KIAA1217: variants seen among roughly 807,000 people sequenced by gnomAD.
KIAA1217 encodes the protein KIAA1217, also known as sickle tail protein homolog.
A neutral mutation model predicts 163.9 loss-of-function variants in KIAA1217; 88 were observed. That is an observed-to-expected ratio of 0.54 (90% CI 0.45 to 0.64). KIAA1217 has a LOEUF of 0.64. KIAA1217 is among the 30% of genes least tolerant of loss of function. KIAA1217 has a pLI of 0.00. For missense variants in KIAA1217, 2,372 were observed against 2,475.0 expected (o/e 0.96, Z 0.88); for synonymous variants, 903 against 923.1 (o/e 0.98, Z 0.39).
At chr10:23,834,186 C>G (rs1838341942) in intron 1 of KIAA1217, among the ~76,000 whole-genome samples, 1 of 152,094 alleles carries the variant, frequency 6.6e-6, no homozygotes, top group Non-Finnish European at 1.5e-5. Context: ...TCTTTTCTAT[C>G]TGCTCACCCC....
intron 20 of KIAA1217, 36 bp from the exon 21 acceptor site, chr10:24,545,791 T>G (rs372280679): frequency 3.0e-4 from 465 of 1,550,210 alleles, no homozygotes; most frequent in Non-Finnish European, 3.7e-4. Flanking sequence ...GTGACCGCCT[T>G]TCTGACAAAA....
chr10:24,267,418 G>A (rs1394634609), intron 2 of KIAA1217, among the ~76,000 whole-genome samples: 2 of 152,222 alleles, frequency 1.3e-5, no homozygotes, highest in African/African-American at 4.8e-5. Context: ...CCTAGAAAAA[G>A]TTACAAAACG....
chr10:24,422,745 C>T (rs1476933298), intron 3 of KIAA1217, among the ~76,000 whole-genome samples: 1 of 151,774 alleles, frequency 6.6e-6, no homozygotes, highest in Non-Finnish European at 1.5e-5. Context: ...CCCAATTGCA[C>T]CAATTTGTCT....
chr10:23,736,386 C>T (rs1015376321), intron 1 of KIAA1217, among the ~76,000 whole-genome samples: 2 of 152,180 alleles, frequency 1.3e-5, no homozygotes, highest in Non-Finnish European at 1.5e-5. Flanking sequence ...TTCATGTGAT[C>T]TCCAGTGCCG....
At chr10:24,143,071 G>C (rs1589657354) in intron 2 of KIAA1217, among the ~76,000 whole-genome samples, 1 of 152,216 alleles carries the variant, frequency 6.6e-6, no homozygotes, top group Admixed American at 6.5e-5. Context: ...GTTACAAGGA[G>C]CAGAGAGATG....
At chr10:24,470,373 C>T (rs1287563035) in intron 5 of KIAA1217, among the ~76,000 whole-genome samples, 1 of 152,208 alleles carries the variant, frequency 6.6e-6, no homozygotes, top group African/African-American at 2.4e-5. Flanking sequence ...GTCTAAAGCA[C>T]TGAGCACCTG....
In KIAA1217 at chr10:24,436,627, G is replaced by A. The variant is rs150459948; in HGVS notation, c.753-1759G>A. The stretch of plus-strand genomic sequence containing the variant: ...CAAAAAATTAGCCGGGCGTGGTGGC[G>A]GGCACCTGTAGTCCCAGCTGCTGGG... On this transcript the variant is annotated intron_variant, in intron 4 of 20. Transcript: ENST00000376454. Among the ~76,000 whole-genome samples the A allele has an allele frequency of 7.0e-3, 1,058 of 151,776 alleles. 7 individuals carry two copies. The highest frequency in any genetic ancestry group is 0.014 in the Middle Eastern group (4 of 290).
rs1369736725 is a variant in KIAA1217 at position 24,486,329 on chromosome 10, G to T, written c.1680-8171G>T. On this transcript the variant is annotated intron_variant, in intron 6 of 20. Coordinates refer to ENST00000376454, the MANE Select transcript of KIAA1217 (RefSeq NM_019590.5). Reference sequence around the variant, plus strand: ...TGAGAGTCCCTAAGATGACACACAAGTAGGGAGAATGCCCTTCTCGGCTGG... The same window carrying T: ...TGAGAGTCCCTAAGATGACACACAATTAGGGAGAATGCCCTTCTCGGCTGG... Among the ~76,000 whole-genome samples the T allele has an allele frequency of 2.0e-5, 3 of 152,340 alleles. No individual in the cohort carries two copies. In the East Asian group the frequency reaches 5.8e-4, roughly 29 times the overall value.
rs192019945 is a variant in KIAA1217 at position 23,816,123 on chromosome 10, G to A, written c.-321+120889G>A. 1.8e-3 allele frequency among the ~76,000 whole-genome samples: 271 copies of A among 152,280 alleles called. 2 individuals are homozygous for A. The highest frequency in any genetic ancestry group is 6.1e-3 in the African/African-American group (252 of 41,560). On this transcript the variant is annotated intron_variant, in intron 1 of 18. Coordinates refer to the KIAA1217 transcript ENST00000376462. ...CAAGAATGTTATTTCCTGGTAACCA[G>A]CATTTGCGTTACCTTGAGCTGTAAA...
At chr10:24,176,346 C>A (rs1316960889) in intron 2 of KIAA1217, among the ~76,000 whole-genome samples, 1 of 151,936 alleles carries the variant, frequency 6.6e-6, no homozygotes, top group Non-Finnish European at 1.5e-5. Context: ...CACAAAAGTT[C>A]TCCAAGTCCC....
At chr10:24,458,717 G>C (rs2062051050) in intron 5 of KIAA1217, among the ~76,000 whole-genome samples, 1 of 152,062 alleles carries the variant, frequency 6.6e-6, no homozygotes, top group African/African-American at 2.4e-5. Flanking sequence ...AGGTAATTTT[G>C]GAAAGCATTG....
At chr10:23,738,023 G>A (rs1020170834) in intron 1 of KIAA1217, among the ~76,000 whole-genome samples, 47 of 151,286 alleles carry the variant, frequency 3.1e-4, no homozygotes, top group African/African-American at 5.6e-4. Flanking sequence ...TAAATAGCAC[G>A]TAGATATATA....
intron 5 of KIAA1217, among the ~76,000 whole-genome samples, chr10:24,456,828 G>C (rs2061841327): frequency 6.6e-6 from 1 of 150,964 alleles, no homozygotes; most frequent in Non-Finnish European, 1.5e-5. Context: ...TCAGCCTCCC[G>C]AGTAGCTGGG....
At chr10:24,405,439 A>C (rs1361461138) in intron 3 of KIAA1217, among the ~76,000 whole-genome samples, 1 of 152,222 alleles carries the variant, frequency 6.6e-6, no homozygotes, top group Non-Finnish European at 1.5e-5. Context: ...AATCCTAATA[A>C]ATCATGTAAG....
At chr10:24,062,231 G>A (rs2060751953) in intron 2 of KIAA1217, among the ~76,000 whole-genome samples, 1 of 150,568 alleles carries the variant, frequency 6.6e-6, no homozygotes, top group African/African-American at 2.4e-5. Context: ...TTGGTGTGCT[G>A]CACCCATTAA....
chr10:23,777,799 A>C lies in KIAA1217; in HGVS notation c.-321+82565A>C, dbSNP rs114709100. On this transcript the variant is annotated intron_variant, in intron 1 of 18. Coordinates refer to the KIAA1217 transcript ENST00000376462. ...ACTCACATATTCACTATAAGGAAAGAATAAAGCCAAGAAAGAAAAAGAAAA... is the reference window on the plus strand; with the variant it reads ...ACTCACATATTCACTATAAGGAAAGCATAAAGCCAAGAAAGAAAAAGAAAA... Among the ~76,000 whole-genome samples, 1,050 of 152,262 alleles carry C rather than the reference A, an allele frequency of 6.9e-3. 7 individuals are homozygous for C. Among genetic ancestry groups the C allele is most frequent in the African/African-American group, 0.023 (971 of 41,552 alleles).
intron 2 of KIAA1217, among the ~76,000 whole-genome samples, chr10:24,363,578 T>G (rs1281664878): frequency 6.6e-6 from 1 of 151,338 alleles, no homozygotes; most frequent in African/African-American, 2.4e-5. Flanking sequence ...TTTTTTTTTT[T>G]TTTTGAAACA....
chr10:23,716,498 A>G (rs1837578560), intron 1 of KIAA1217, among the ~76,000 whole-genome samples: 1 of 152,182 alleles, frequency 6.6e-6, no homozygotes, highest in Non-Finnish European at 1.5e-5. Flanking sequence ...AGTCATACCT[A>G]CCTGCATTTA....
intron 5 of KIAA1217, among the ~76,000 whole-genome samples, chr10:24,461,652 G>A (rs570979799): frequency 1.4e-4 from 22 of 152,162 alleles, no homozygotes; most frequent in Admixed American, 5.2e-4. Flanking sequence ...TACTGCACCC[G>A]GCTGTATAGC....
Sources: allele counts gnomAD v4.1 joint callset (sites outside exome capture counted in the v4.1 genomes callset), GRCh38; gene constraint gnomAD v4.1.1; transcripts MANE v1.5; gene names NCBI Gene and HGNC (gene_info 2026-07-23, HGNC 2026-07-21).